Variants in TENM1 observed in about 807,000 individuals in gnomAD.
TENM1 encodes teneurin-1.
In TENM1, 35 loss-of-function variants were observed where a neutral mutation model predicts 174.8. The observed-to-expected ratio is 0.20, with a 90% CI of 0.15 to 0.27. The LOEUF (loss-of-function observed/expected upper bound fraction) is 0.27, where lower values mean the gene tolerates loss of function less well. Among genes scored for constraint, TENM1 ranks in the 10% least tolerant of loss-of-function variants. The probability of loss-of-function intolerance (pLI) is 1.00; values close to 1 mark genes in which losing one functional copy is unlikely to be tolerated. For missense variants in TENM1, 1,633 were observed against 2,130.1 expected (o/e 0.77, Z 4.59); for synonymous variants, 781 against 798.7 (o/e 0.98, Z 0.37).
At chrX:125,015,221 C>T in the TENM1 span, among the ~76,000 whole-genome samples, 1 of 111,184 alleles carries the variant, frequency 9.0e-6, no homozygotes, top group Admixed American at 9.6e-5. Flanking sequence ...AAATAAGTCC[C>T]ATTTGTGACC....
At chrX:124,962,402 G>A (rs752575560) in intron 1 of TENM1, among the ~76,000 whole-genome samples, 22 of 111,765 alleles carry the variant, frequency 2.0e-4, no homozygotes, top group Non-Finnish European at 3.0e-4. Context: ...AGTGGGGCTG[G>A]AGAATTTACA....
chrX:125,109,545 C>T, the TENM1 span, among the ~76,000 whole-genome samples: 14 of 110,894 alleles, frequency 1.3e-4, no homozygotes, highest in African/African-American at 4.3e-4. Flanking sequence ...TCCCCACTCC[C>T]CCAAACACGC....
chrX:124,548,136 G>A (rs1482009678), intron 14 of TENM1, among the ~76,000 whole-genome samples: 1 of 112,036 alleles, frequency 8.9e-6, no homozygotes, highest in Non-Finnish European at 1.9e-5. Flanking sequence ...GCACCCAGCC[G>A]ATGCAATTAC....
chrX:125,161,116 T>C, the TENM1 span, among the ~76,000 whole-genome samples: 1 of 102,698 alleles, frequency 9.7e-6, no homozygotes, highest in Non-Finnish European at 2.0e-5. Context: ...TCTGTATCCA[T>C]ACAATGGAAT....
At chrX:124,487,298 T>C in intron 20 of TENM1, 69 bp from the exon 24 acceptor site, 1 of 981,330 alleles carries the variant, frequency 1.0e-6, no homozygotes, top group African/African-American at 1.9e-5. Flanking sequence ...TCATTGAACA[T>C]GCCAAACCTA....
At chrX:125,079,412 T>G in the TENM1 span, among the ~76,000 whole-genome samples, 1 of 111,983 alleles carries the variant, frequency 8.9e-6, no homozygotes, top group Non-Finnish European at 1.9e-5. Flanking sequence ...GGAATAATTT[T>G]GCAATAAAAT....
chrX:124,527,315 G>C (rs1342898527), intron 16 of TENM1, among the ~76,000 whole-genome samples: 3 of 111,624 alleles, frequency 2.7e-5, no homozygotes, highest in East Asian at 5.6e-4. Context: ...CTTCTGCTTT[G>C]AATAAATTAC....
chrX:124,421,934 T>G (rs947297400), intron 24 of TENM1, among the ~76,000 whole-genome samples: 3 of 112,293 alleles, frequency 2.7e-5, no homozygotes, highest in South Asian at 3.7e-4. Flanking sequence ...GATCTTTCAT[T>G]TGTATAGTGG....
chrX:124,951,894 A>C (rs1370911515), intron 1 of TENM1, among the ~76,000 whole-genome samples: 1 of 109,731 alleles, frequency 9.1e-6, no homozygotes, highest in Non-Finnish European at 1.9e-5. Flanking sequence ...TTGTACTTTT[A>C]AGTTAAATTG....
chrX:124,414,114 GTTTT>G (rs1454412889), intron 25 of TENM1, among the ~76,000 whole-genome samples: 1 of 111,693 alleles, frequency 9.0e-6, no homozygotes, highest in Non-Finnish European at 1.9e-5. Context: ...TTGTTTGTTT[GTTTT>G]TTGTTTTCTT....
chrX:124,844,526 G>C (rs1405723996), intron 3 of TENM1, among the ~76,000 whole-genome samples: 4 of 111,233 alleles, frequency 3.6e-5, no homozygotes, highest in African/African-American at 1.3e-4. Flanking sequence ...TGGTGGAGGG[G>C]AAGGGGTGAT....
intron 3 of TENM1, among the ~76,000 whole-genome samples, chrX:124,800,375 C>A (rs1406119265): frequency 9.0e-6 from 1 of 111,266 alleles, no homozygotes; most frequent in Non-Finnish European, 1.9e-5. Flanking sequence ...TATAAATTTT[C>A]TAGCTTATTT....
At chrX:125,186,181 T>C in the TENM1 span, among the ~76,000 whole-genome samples, 2 of 111,194 alleles carry the variant, frequency 1.8e-5, no homozygotes, top group Admixed American at 9.5e-5. Flanking sequence ...ATCATATATG[T>C]ATTTCATCTA....
At chrX:124,422,370 C>T (rs756874054) in exon 24 of TENM1, 14 of 1,209,370 alleles carry the variant, frequency 1.2e-5, no homozygotes, top group African/African-American at 1.8e-5. Flanking sequence ...TTGCTGAATG[C>T]GGTTTACTTT....
intron 23 of TENM1, among the ~76,000 whole-genome samples, chrX:124,429,685 T>C (rs1051631939): frequency 9.0e-6 from 1 of 110,990 alleles, no homozygotes; most frequent in Non-Finnish European, 1.9e-5. Flanking sequence ...TAAAATAAGG[T>C]AGGTGGTAGT....
intron 1 of TENM1, among the ~76,000 whole-genome samples, chrX:124,951,976 A>G (rs2058496160): frequency 9.1e-6 from 1 of 110,347 alleles, no homozygotes; most frequent in African/African-American, 3.3e-5. Flanking sequence ...TCGAAAGAAC[A>G]CACTGACTAA....
At chrX:124,989,069 G>A in the TENM1 span, among the ~76,000 whole-genome samples, 18 of 111,369 alleles carry the variant, frequency 1.6e-4, no homozygotes, top group Non-Finnish European at 2.3e-4. Context: ...ACAATAAGGT[G>A]AGCAAAGGAA....
At chrX:124,457,759 T>G (rs768097677) in intron 22 of TENM1, among the ~76,000 whole-genome samples, 2 of 111,852 alleles carry the variant, frequency 1.8e-5, no homozygotes, top group South Asian at 3.8e-4. Context: ...AAGATTTGAG[T>G]TTTTGGCTGT....
At chrX:125,171,324 T>A in the TENM1 span, among the ~76,000 whole-genome samples, 1 of 110,793 alleles carries the variant, frequency 9.0e-6, no homozygotes, top group South Asian at 3.8e-4. Context: ...TTGCTTCACA[T>A]AAATTATACC....
Sources: gnomAD v4.1 joint callset for allele counts (sites outside exome capture counted in the v4.1 genomes callset) on GRCh38, gnomAD v4.1.1 for gene constraint, MANE v1.5 for transcripts, NCBI Gene and HGNC (gene_info 2026-07-23, HGNC 2026-07-21) for gene names.